Variants in FAF1 observed in about 807,000 individuals in gnomAD.
FAF1 encodes FAS-associated factor 1.
Under a neutral mutation model 92.5 loss-of-function variants are expected in FAF1, and 25 were observed. That is an observed-to-expected ratio of 0.27 (90% confidence interval 0.20 to 0.38). The LOEUF (loss-of-function observed/expected upper bound fraction) is 0.38, where lower values mean the gene tolerates loss of function less well. Ranked by LOEUF, FAF1 falls within the 10% of genes least tolerant of loss-of-function variation. The probability of loss-of-function intolerance (pLI) is 1.00; values close to 1 mark genes in which losing one functional copy is unlikely to be tolerated. For synonymous variants in FAF1, 234 were observed against 273.2 expected (o/e 0.86, Z 1.42); for missense variants, 636 against 793.3 (o/e 0.80, Z 2.38).
chr1:50,803,991 A>C (rs1161393279), intron 2 of FAF1, among the ~76,000 whole-genome samples: 1 of 152,142 alleles, frequency 6.6e-6, no homozygotes, highest in Non-Finnish European at 1.5e-5. Context: ...TCTATGCTTC[A>C]AACAATGGGA....
chr1:50,748,219 G>GA (rs1299732726), intron 4 of FAF1, among the ~76,000 whole-genome samples: 1 of 152,318 alleles, frequency 6.6e-6, no homozygotes, highest in African/African-American at 2.4e-5. Context: ...AAAAATGCCA[G>GA]GCGTGGTGGC....
At chr1:50,648,795 G>A (rs968453568) in intron 8 of FAF1, among the ~76,000 whole-genome samples, 11 of 152,142 alleles carry the variant, frequency 7.2e-5, no homozygotes, top group African/African-American at 1.2e-4. Flanking sequence ...GTGTGGTGGC[G>A]CATGCCTGTA....
intron 7 of FAF1, among the ~76,000 whole-genome samples, chr1:50,691,884 T>C (rs1656945882): frequency 6.6e-6 from 1 of 152,222 alleles, no homozygotes; most frequent in South Asian, 2.1e-4. Flanking sequence ...AAGTGATGTT[T>C]TGATATATGT....
chr1:50,738,881 G>A lies in FAF1; in HGVS notation c.533C>T (p.Ser178Leu). 6.2e-7 allele frequency: 1 copy of A among 1,606,988 alleles called. No homozygotes were observed. Reference sequence around the variant, plus strand: ...AACTTACCCAGCATGACTAGATGATGAAGGTGGTGGCAAATCTGGTGTAAG... The same window carrying A: ...AACTTACCCAGCATGACTAGATGATAAAGGTGGTGGCAAATCTGGTGTAAG... ...YVLTPDLPPP[S>L]SSSHAGALQE... The change falls in exon 6 of 19, where the codon TCA (serine) becomes TTA (leucine). Residue 178 changes from serine (S) to leucine (L), a missense_variant. Coordinates refer to ENST00000396153, the MANE Select transcript of FAF1 (RefSeq NM_007051.3).
intron 7 of FAF1, among the ~76,000 whole-genome samples, chr1:50,704,099 C>A (rs1657579937): frequency 6.6e-6 from 1 of 152,160 alleles, no homozygotes; most frequent in Admixed American, 6.5e-5. Flanking sequence ...AGTCTCCTCC[C>A]TGCAATATGC....
At chr1:50,832,981 A>T (rs907851452) in intron 2 of FAF1, among the ~76,000 whole-genome samples, 3 of 152,182 alleles carry the variant, frequency 2.0e-5, no homozygotes, top group African/African-American at 2.4e-5. Flanking sequence ...CAGGATCTGC[A>T]GAGAAGACAA....
At chr1:50,631,992 T>C (rs533806620) in intron 8 of FAF1, among the ~76,000 whole-genome samples, 2 of 152,206 alleles carry the variant, frequency 1.3e-5, no homozygotes, top group African/African-American at 4.8e-5. Flanking sequence ...ACTACAGATG[T>C]ACATGTATAT....
At chr1:50,495,989 A>G (rs1646893611) in intron 15 of FAF1, among the ~76,000 whole-genome samples, 1 of 152,182 alleles carries the variant, frequency 6.6e-6, no homozygotes, top group South Asian at 2.1e-4. Context: ...AATGATGACT[A>G]TTAAAAATAA....
chr1:50,681,127 A>G (rs542105708), intron 7 of FAF1, among the ~76,000 whole-genome samples: 18 of 152,002 alleles, frequency 1.2e-4, no homozygotes, highest in Non-Finnish European at 2.2e-4. Flanking sequence ...GCTCACTGCA[A>G]CCTCCGCCTC....
intron 15 of FAF1, among the ~76,000 whole-genome samples, chr1:50,498,964 G>T (rs762463103): frequency 2.0e-5 from 3 of 152,142 alleles, no homozygotes; most frequent in Non-Finnish European, 2.9e-5. Flanking sequence ...TAGCCAAAAG[G>T]TGGAAATAAT....
At chr1:50,767,515 A>G (rs909611550) in intron 4 of FAF1, among the ~76,000 whole-genome samples, 4 of 152,216 alleles carry the variant, frequency 2.6e-5, no homozygotes, top group Admixed American at 6.5e-5. Flanking sequence ...CATAGTCTTC[A>G]GATTCTTAAA....
chr1:50,589,304 AG>A (rs1558006471), intron 9 of FAF1, among the ~76,000 whole-genome samples: 1 of 151,906 alleles, frequency 6.6e-6, no homozygotes, highest in African/African-American at 2.4e-5. Flanking sequence ...GGCTCTGGGG[AG>A]GAGGGATTTC....
chr1:50,630,541 T>G (rs1653722993), intron 8 of FAF1, among the ~76,000 whole-genome samples: 1 of 152,188 alleles, frequency 6.6e-6, no homozygotes, highest in African/African-American at 2.4e-5. Flanking sequence ...TTCCCCCTAT[T>G]CTATAGGTTG....
At chr1:50,738,479 T>C (rs1478924302) in intron 6 of FAF1, among the ~76,000 whole-genome samples, 1 of 152,170 alleles carries the variant, frequency 6.6e-6, no homozygotes, top group South Asian at 2.1e-4. Context: ...ATCAGTGTTT[T>C]TCAAGCTTTA....
intron 4 of FAF1, among the ~76,000 whole-genome samples, chr1:50,754,262 T>C (rs1659987843): frequency 6.6e-6 from 1 of 152,254 alleles, no homozygotes; most frequent in Non-Finnish European, 1.5e-5. Context: ...GATGCAGTTA[T>C]GTTACTTAGA....
intron 12 of FAF1, among the ~76,000 whole-genome samples, chr1:50,574,322 G>A (rs1409472675): frequency 6.6e-6 from 1 of 152,234 alleles, no homozygotes; most frequent in Non-Finnish European, 1.5e-5. Flanking sequence ...CTTACAGCAA[G>A]TTACAGAGAA....
chr1:50,461,296 T>C (rs1646426567), intron 18 of FAF1, among the ~76,000 whole-genome samples: 2 of 152,196 alleles, frequency 1.3e-5, no homozygotes, highest in Non-Finnish European at 1.5e-5. Flanking sequence ...ATGTTGTATC[T>C]AGCTTGGCAG....
chr1:50,467,873 A>G (rs915710431), intron 18 of FAF1, among the ~76,000 whole-genome samples: 1 of 152,106 alleles, frequency 6.6e-6, no homozygotes, highest in Admixed American at 6.6e-5. Flanking sequence ...AGATGTGCTA[A>G]TTAGCTTGAT....
At chr1:50,542,690 C>T (rs1648815867) in intron 13 of FAF1, among the ~76,000 whole-genome samples, 2 of 152,154 alleles carry the variant, frequency 1.3e-5, no homozygotes, top group African/African-American at 4.8e-5. Context: ...GAAGCAAGGG[C>T]AAACCACTCT....
Sources: allele counts gnomAD v4.1 joint callset (sites outside exome capture counted in the v4.1 genomes callset), GRCh38; gene constraint gnomAD v4.1.1; transcripts MANE v1.5; gene names NCBI Gene and HGNC (gene_info 2026-07-23, HGNC 2026-07-21).